PRKN: variants seen among roughly 807,000 people sequenced by gnomAD.
PRKN encodes E3 ubiquitin-protein ligase parkin.
Under a neutral mutation model 59.5 loss-of-function variants are expected in PRKN, and 56 were observed. The observed-to-expected ratio is 0.94, with a 90% CI of 0.76 to 1.18. The LOEUF is 1.18. Among genes scored for constraint, PRKN ranks in the 50% most tolerant of loss-of-function variants. The pLI is 0.00. For synonymous variants in PRKN, 250 were observed against 222.1 expected, an observed-to-expected ratio of 1.13 and a Z score of -1.12; for missense variants, 657 against 596.4, an observed-to-expected ratio of 1.10 and a Z score of -1.06.
chr6:161,777,920 G>A (rs1256532360), intron 7 of PRKN, among the ~76,000 whole-genome samples: 8 of 143,620 alleles, frequency 5.6e-5, no homozygotes, highest in South Asian at 4.4e-4. Flanking sequence ...GTATATATAT[G>A]TATGTATATC....
intron 7 of PRKN, among the ~76,000 whole-genome samples, chr6:161,571,706 G>A (rs967791223): frequency 6.6e-6 from 1 of 152,136 alleles, no homozygotes; most frequent in East Asian, 1.9e-4. Flanking sequence ...GGGCTAAGGG[G>A]TGCCCAGATA....
intron 6 of PRKN, among the ~76,000 whole-genome samples, chr6:161,948,293 C>A (rs773189767): frequency 4.6e-4 from 70 of 152,026 alleles, no homozygotes; most frequent in Non-Finnish European, 9.1e-4. Context: ...GGTTGAGATG[C>A]AATTTCTATA....
chr6:162,320,379 AAAAAAC>A (rs1782950586), intron 2 of PRKN, among the ~76,000 whole-genome samples: 2 of 146,952 alleles, frequency 1.4e-5, no homozygotes, highest in East Asian at 2.0e-4. Context: ...AAAAAAAAAA[AAAAAAC>A]CAAGCATTTT....
chr6:161,955,509 T>C (rs1780138022), intron 6 of PRKN, among the ~76,000 whole-genome samples: 1 of 152,190 alleles, frequency 6.6e-6, no homozygotes, highest in African/African-American at 2.4e-5. Flanking sequence ...ATTGTTTTCA[T>C]AGGAAAAAAA....
intron 1 of PRKN, among the ~76,000 whole-genome samples, chr6:162,587,627 T>C (rs773211319): frequency 5.3e-5 from 8 of 152,250 alleles, no homozygotes; most frequent in Non-Finnish European, 1.2e-4. Context: ...AAAATAAACA[T>C]TACTGTGTTG....
In PRKN at chr6:162,554,816, T is replaced by A. The variant is rs574826579; in HGVS notation, c.8-111343A>T. 2.0e-5 allele frequency among the ~76,000 whole-genome samples: 3 copies of A among 152,230 alleles called. No individual in the cohort carries two copies. The South Asian group carries it at 6.2e-4, about 32-fold the overall frequency. On this transcript the variant is annotated intron_variant, in intron 1 of 11. Transcript: ENST00000366898. ...AGCCAAGGCCAGGTCACCACAGAAA[T>A]GTTCTAAAATGAGACTGAGAATTTA...
intron 1 of PRKN, among the ~76,000 whole-genome samples, chr6:162,623,612 A>G (rs564513270): frequency 6.6e-6 from 1 of 152,276 alleles, no homozygotes; most frequent in Admixed American, 6.5e-5. Context: ...CTCAGCTTCA[A>G]AGATCAAGCT....
chr6:161,871,137 A>G (rs1339120257), intron 6 of PRKN, among the ~76,000 whole-genome samples: 1 of 152,108 alleles, frequency 6.6e-6, no homozygotes. Context: ...AAACGTATAG[A>G]GATTATTTCT....
chr6:162,195,226 T>G (rs1338561366), intron 4 of PRKN, among the ~76,000 whole-genome samples: 1 of 152,202 alleles, frequency 6.6e-6, no homozygotes, highest in Non-Finnish European at 1.5e-5. Context: ...TAATGCGTAA[T>G]GCCTCCTCCA....
intron 7 of PRKN, among the ~76,000 whole-genome samples, chr6:161,668,474 ATGCTTTAGTTATGTAACATT>A (rs2128168017): frequency 6.6e-6 from 1 of 152,328 alleles, no homozygotes; most frequent in South Asian, 2.1e-4. Context: ...TATGGATTCT[ATGCTTTAGTTATGTAACATT>A]TTCACATTAG....
intron 2 of PRKN, among the ~76,000 whole-genome samples, chr6:162,287,851 G>A (rs1454062363): frequency 6.6e-6 from 1 of 152,172 alleles, no homozygotes; most frequent in East Asian, 1.9e-4. Context: ...TCGCAGCTAA[G>A]TGGGGGCAAC....
At chr6:161,967,968 C>G (rs1780644407) in intron 6 of PRKN, among the ~76,000 whole-genome samples, 1 of 152,000 alleles carries the variant, frequency 6.6e-6, no homozygotes, top group Admixed American at 6.6e-5. Context: ...TCTTATCTTG[C>G]CTTTATTCTG....
At chr6:162,145,822 C>T (rs1782001378) in intron 4 of PRKN, among the ~76,000 whole-genome samples, 1 of 152,136 alleles carries the variant, frequency 6.6e-6, no homozygotes, top group Non-Finnish European at 1.5e-5. Context: ...CCTAAACAAA[C>T]ATCTGATGGG....
chr6:162,492,827 C>T (rs934014975), intron 1 of PRKN, among the ~76,000 whole-genome samples: 1 of 152,008 alleles, frequency 6.6e-6, no homozygotes, highest in Non-Finnish European at 1.5e-5. Flanking sequence ...GTGACACATG[C>T]CTGTAGTCCC....
chr6:162,223,661 A>ACAC (rs11452001), intron 3 of PRKN, among the ~76,000 whole-genome samples: 1,243 of 60,760 alleles, frequency 0.02, 31 homozygotes, highest in East Asian at 0.15. Flanking sequence ...ACACACACAC[A>ACAC]AACATAATGC....
intron 3 of PRKN, among the ~76,000 whole-genome samples, chr6:162,244,054 T>C (rs1295709942): frequency 6.6e-6 from 1 of 152,142 alleles, no homozygotes; most frequent in Non-Finnish European, 1.5e-5. Flanking sequence ...ACTTGGTATA[T>C]ACTTGGCATC....
intron 6 of PRKN, among the ~76,000 whole-genome samples, chr6:161,901,093 T>C (rs1777900604): frequency 2.0e-5 from 3 of 151,652 alleles, no homozygotes; most frequent in South Asian, 2.1e-4. Context: ...TTTTTTTGTA[T>C]TTTTAGTAGA....
intron 2 of PRKN, among the ~76,000 whole-genome samples, chr6:162,376,169 G>A (rs962900): frequency 0.67 from 101,625 of 151,940 alleles, 35,453 homozygotes; most frequent in African/African-American, 0.87. Context: ...ACACCCACTG[G>A]AGGAGGCAGT....
intron 3 of PRKN, among the ~76,000 whole-genome samples, chr6:162,245,313 A>G (rs1467888117): frequency 6.6e-6 from 1 of 152,074 alleles, no homozygotes; most frequent in East Asian, 1.9e-4. Context: ...AACACTTGAC[A>G]AGATTTGTAT....
Sources: allele counts gnomAD v4.1 joint callset (sites outside exome capture counted in the v4.1 genomes callset), GRCh38; gene constraint gnomAD v4.1.1; transcripts MANE v1.5; gene names NCBI Gene and HGNC (gene_info 2026-07-23, HGNC 2026-07-21).